SDK1: variants seen among roughly 807,000 people sequenced by gnomAD.
The protein encoded by SDK1 is protein sidekick-1.
Under a neutral mutation model 245.5 loss-of-function variants are expected in SDK1, and 157 were observed. The ratio of observed to expected loss-of-function variants is 0.64; its 90% confidence interval spans 0.56 to 0.73. The LOEUF (loss-of-function observed/expected upper bound fraction) is 0.73, where lower values mean the gene tolerates loss of function less well. Among genes scored for constraint, SDK1 ranks in the 30% least tolerant of loss-of-function variants. The pLI, the probability that SDK1 is intolerant of heterozygous loss-of-function variation, is 0.00. For missense variants in SDK1, 3,583 were observed against 3,002.3 expected (o/e 1.19, Z -4.52); for synonymous variants, 1,647 against 1,278.5 (o/e 1.29, Z -6.15).
At chr7:4,247,852 C>T (rs73050215) in intron 44 of SDK1, among the ~76,000 whole-genome samples, 19,500 of 152,146 alleles carry the variant, frequency 0.13, 1,616 homozygotes, top group Non-Finnish European at 0.19. Flanking sequence ...GCCAGACCCC[C>T]GTGTCTCCAG....
chr7:3,842,441 G>T (rs148574266), intron 5 of SDK1, among the ~76,000 whole-genome samples: 2 of 146,808 alleles, frequency 1.4e-5, no homozygotes, highest in African/African-American at 2.7e-5. Flanking sequence ...GGGTCACTGT[G>T]CTGGCGTGGG....
chr7:3,778,885 G>A (rs543376285), intron 4 of SDK1, among the ~76,000 whole-genome samples: 1 of 152,314 alleles, frequency 6.6e-6, no homozygotes, highest in South Asian at 2.1e-4. Context: ...TGGGAGACTA[G>A]CTGGCAGCAC....
intron 17 of SDK1, among the ~76,000 whole-genome samples, chr7:4,040,560 C>T (rs762326603): frequency 6.6e-6 from 1 of 152,012 alleles, no homozygotes; most frequent in Non-Finnish European, 1.5e-5. Context: ...CAGAGGGGTC[C>T]GGAGTGGGTT....
chr7:3,324,578 A>G (rs56143924), intron 1 of SDK1, among the ~76,000 whole-genome samples: 28,614 of 152,164 alleles, frequency 0.19, 2,711 homozygotes, highest in African/African-American at 0.23. Flanking sequence ...TAGATACTTT[A>G]TCTTCCCTGT....
At chr7:3,987,635 A>G (rs1455933786) in intron 14 of SDK1, among the ~76,000 whole-genome samples, 1 of 152,078 alleles carries the variant, frequency 6.6e-6, no homozygotes, top group African/African-American at 2.4e-5. Flanking sequence ...TGGGTTAACA[A>G]TGCCTGCCAC....
intron 2 of SDK1, among the ~76,000 whole-genome samples, chr7:3,629,760 G>T (rs930240755): frequency 1.3e-5 from 2 of 152,200 alleles, no homozygotes; most frequent in African/African-American, 2.4e-5. Flanking sequence ...AAAATTCACA[G>T]TGTCTAGAAT....
intron 5 of SDK1, among the ~76,000 whole-genome samples, chr7:3,884,247 C>T (rs1781284737): frequency 1.3e-5 from 2 of 151,964 alleles, no homozygotes; most frequent in Admixed American, 1.3e-4. Context: ...CACCCGGCCG[C>T]CTTTCTTTCC....
chr7:4,078,615 C>A (rs1780850974), intron 21 of SDK1, among the ~76,000 whole-genome samples: 1 of 152,144 alleles, frequency 6.6e-6, no homozygotes. Flanking sequence ...TTGCATTTTT[C>A]TTTTCTTTTT....
chr7:4,168,015 C>T lies in SDK1; in HGVS notation c.4800+6159C>T, dbSNP rs979982979. Among the ~76,000 whole-genome samples the T allele has an allele frequency of 8.5e-5, 13 of 152,364 alleles. No individual in the cohort carries two copies. The East Asian group carries it at 2.3e-3, about 27-fold the overall frequency. ...GTTGGAGAGCCTCTTTCACAGATTACAGACAGGTTAATCCCAAAGTCCAGG... is the reference window on the plus strand; with the variant it reads ...GTTGGAGAGCCTCTTTCACAGATTATAGACAGGTTAATCCCAAAGTCCAGG... On this transcript the variant is annotated intron_variant, in intron 32 of 44. Coordinates refer to ENST00000404826, the MANE Select transcript of SDK1 (RefSeq NM_152744.4).
chr7:4,019,842 CT>C (rs1786732354), intron 17 of SDK1, among the ~76,000 whole-genome samples: 1 of 152,124 alleles, frequency 6.6e-6, no homozygotes, highest in Non-Finnish European at 1.5e-5. Context: ...TGGGAGCACC[CT>C]TATACAGATG....
intron 22 of SDK1, among the ~76,000 whole-genome samples, chr7:4,080,153 G>T (rs1035665554): frequency 1.3e-5 from 2 of 152,126 alleles, no homozygotes; most frequent in Admixed American, 1.3e-4. Context: ...GGTGCTGGAG[G>T]GAGGGGAGCA....
intron 4 of SDK1, among the ~76,000 whole-genome samples, chr7:3,728,381 G>A (rs1054215216): frequency 1.3e-5 from 2 of 152,190 alleles, no homozygotes; most frequent in Non-Finnish European, 2.9e-5. Flanking sequence ...ATTTCAAATA[G>A]CCCAGTTATT....
chr7:3,822,176 C>T (rs1045963640), intron 5 of SDK1, among the ~76,000 whole-genome samples: 1 of 152,152 alleles, frequency 6.6e-6, no homozygotes, highest in African/African-American at 2.4e-5. Context: ...ATTCTACTAG[C>T]AAGAGTTAAT....
chr7:3,913,746 C>T (rs1224749126), intron 5 of SDK1, among the ~76,000 whole-genome samples: 1 of 152,184 alleles, frequency 6.6e-6, no homozygotes, highest in Non-Finnish European at 1.5e-5. Flanking sequence ...TTCTTGTTCT[C>T]TCCAAGCCCA....
intron 1 of SDK1, among the ~76,000 whole-genome samples, chr7:3,410,803 T>A (rs1408347345): frequency 6.6e-6 from 1 of 152,012 alleles, no homozygotes; most frequent in East Asian, 1.9e-4. Context: ...GCCATGCTGG[T>A]CTCGAACTCC....
intron 1 of SDK1, among the ~76,000 whole-genome samples, chr7:3,421,091 C>CT: frequency 6.9e-6 from 1 of 144,052 alleles, no homozygotes; most frequent in African/African-American, 2.8e-5. Flanking sequence ...TCTGTACTCT[C>CT]CTTTTTTTTT....
At chr7:3,940,919 TCTC>T (rs1780343302) in intron 5 of SDK1, among the ~76,000 whole-genome samples, 1 of 151,928 alleles carries the variant, frequency 6.6e-6, no homozygotes, top group African/African-American at 2.4e-5. Context: ...GGCCTCTTGA[TCTC>T]CTACTTTCAA....
At chr7:3,603,096 A>G (rs1373562764) in intron 1 of SDK1, among the ~76,000 whole-genome samples, 1 of 151,254 alleles carries the variant, frequency 6.6e-6, no homozygotes, top group African/African-American at 2.4e-5. Flanking sequence ...CTTGTAGTAT[A>G]GTTTGAAGTC....
intron 1 of SDK1, among the ~76,000 whole-genome samples, chr7:3,433,779 A>G (rs113970376): frequency 0.038 from 5,752 of 152,258 alleles, 327 homozygotes; most frequent in African/African-American, 0.12. Context: ...TGTAAATTTG[A>G]GACGTTCTCA....
Sources: allele counts gnomAD v4.1 joint callset (sites outside exome capture counted in the v4.1 genomes callset), GRCh38; gene constraint gnomAD v4.1.1; transcripts MANE v1.5; gene names NCBI Gene and HGNC (gene_info 2026-07-23, HGNC 2026-07-21).